PLGRKT: variants seen among roughly 807,000 people sequenced by gnomAD.
PLGRKT encodes plasminogen receptor with a C-terminal lysine, also known as plasminogen receptor (KT).
In PLGRKT, 22 loss-of-function variants were observed where a neutral mutation model predicts 18.5. That is an observed-to-expected ratio of 1.19 (90% CI 0.85 to 1.70). The LOEUF is 1.70. PLGRKT is among the 40% of genes most tolerant of loss of function. The pLI is 0.00. For missense variants in PLGRKT, 235 were observed against 174.4 expected (o/e 1.35, Z -1.96); for synonymous variants, 72 against 52.8 (o/e 1.36, Z -1.58).
intron 3 of PLGRKT, among the ~76,000 whole-genome samples, chr9:5,419,436 G>C (rs1053185768): frequency 2.0e-5 from 3 of 152,180 alleles, no homozygotes; most frequent in African/African-American, 7.2e-5. Context: ...TCAGGTGCTG[G>C]CTACAGAGGC....
intron 3 of PLGRKT, among the ~76,000 whole-genome samples, chr9:5,378,736 A>G (rs1464707531): frequency 6.6e-6 from 1 of 152,206 alleles, no homozygotes; most frequent in Admixed American, 6.5e-5. Flanking sequence ...GACATGAAGC[A>G]AAACTGTTGG....
At chr9:5,382,023 A>T (rs1021287924) in intron 3 of PLGRKT, 3 of 985,226 alleles carry the variant, frequency 3.0e-6, no homozygotes, top group Non-Finnish European at 3.6e-6. Context: ...GCAGTTGAAA[A>T]TGTGCACCCT....
chr9:5,403,329 T>C (rs1332942387), intron 3 of PLGRKT, among the ~76,000 whole-genome samples: 4 of 151,468 alleles, frequency 2.6e-5, no homozygotes, highest in African/African-American at 9.8e-5. Flanking sequence ...GTTCAAGTGA[T>C]TCTCCTACCT....
At chr9:5,364,834 T>G (rs1477527669) in intron 3 of PLGRKT, among the ~76,000 whole-genome samples, 1 of 152,056 alleles carries the variant, frequency 6.6e-6, no homozygotes, top group Non-Finnish European at 1.5e-5. Context: ...ACAGGGAGAT[T>G]ACAAACAAGC....
At chr9:5,369,223 T>C (rs948271594) in intron 3 of PLGRKT, among the ~76,000 whole-genome samples, 1 of 152,162 alleles carries the variant, frequency 6.6e-6, no homozygotes, top group Admixed American at 6.5e-5. Context: ...CGAAGGCTAA[T>C]ATCCAGAATT....
intron 3 of PLGRKT, among the ~76,000 whole-genome samples, chr9:5,386,935 C>A (rs536762886): frequency 6.6e-6 from 1 of 151,882 alleles, no homozygotes; most frequent in Admixed American, 6.6e-5. Context: ...TAAGAAACAG[C>A]AAAGTGACCC....
At chr9:5,417,834 G>C (rs993089027) in intron 3 of PLGRKT, among the ~76,000 whole-genome samples, 1 of 151,950 alleles carries the variant, frequency 6.6e-6, no homozygotes, top group African/African-American at 2.4e-5. Context: ...ATTTTGACTT[G>C]TTTTGCTGCC....
chr9:5,400,400 G>C (rs1396118740), intron 3 of PLGRKT, among the ~76,000 whole-genome samples: 1 of 151,844 alleles, frequency 6.6e-6, no homozygotes, highest in Non-Finnish European at 1.5e-5. Flanking sequence ...ATCAGACCAA[G>C]TGTAAAATAA....
chr9:5,385,355 C>T (rs192192507), intron 3 of PLGRKT, among the ~76,000 whole-genome samples: 3 of 151,766 alleles, frequency 2.0e-5, no homozygotes, highest in African/African-American at 4.8e-5. Flanking sequence ...ATCCACCACA[C>T]CTGGCTAATT....
chr9:5,401,134 G>T (rs1215525484), intron 3 of PLGRKT, among the ~76,000 whole-genome samples: 1 of 151,740 alleles, frequency 6.6e-6, no homozygotes, highest in South Asian at 2.1e-4. Flanking sequence ...GCCAATAGGG[G>T]AATTTAAGTC....
At chr9:5,390,215 G>A (rs1465684136) in intron 3 of PLGRKT, among the ~76,000 whole-genome samples, 4 of 136,028 alleles carry the variant, frequency 2.9e-5, no homozygotes, top group African/African-American at 1.0e-4. Flanking sequence ...ATATGTGTGT[G>A]CGTGTGTGTG....
rs577528431 is a variant in PLGRKT, at chr9:5,382,266, A to G, written c.82-20378T>C. On this transcript the variant is annotated intron_variant, in intron 3 of 5. Transcript: ENST00000223864. Reference sequence around the variant, plus strand: ...CAGAGGCAGAGAAGTATTAAAGAAGAAATTTCAATGTTGGTCATCACAGTT... The same window carrying G: ...CAGAGGCAGAGAAGTATTAAAGAAGGAATTTCAATGTTGGTCATCACAGTT... Among the ~76,000 whole-genome samples, 12 of 152,346 alleles carry G rather than the reference A, an allele frequency of 7.9e-5. No individual in the cohort carries two copies. The South Asian group carries it at 2.1e-3, about 26-fold the overall frequency.
intron 3 of PLGRKT, among the ~76,000 whole-genome samples, chr9:5,409,710 T>C (rs1395640842): frequency 6.6e-6 from 1 of 152,214 alleles, no homozygotes; most frequent in Non-Finnish European, 1.5e-5. Context: ...CAGTGTGCGC[T>C]GGATGTGGGA....
intron 1 of PLGRKT, among the ~76,000 whole-genome samples, chr9:5,437,174 A>T (rs1818976361): frequency 6.6e-6 from 1 of 152,072 alleles, no homozygotes; most frequent in Non-Finnish European, 1.5e-5. Context: ...TCTGGGGAGG[A>T]GAAGTGGTGC....
At chr9:5,367,372 G>C (rs868586857) in intron 3 of PLGRKT, among the ~76,000 whole-genome samples, 13 of 152,112 alleles carry the variant, frequency 8.5e-5, no homozygotes, top group Middle Eastern at 3.4e-3. Flanking sequence ...AAACAGCATG[G>C]TACTAGTACA....
intron 3 of PLGRKT, among the ~76,000 whole-genome samples, chr9:5,383,720 C>A (rs1319131044): frequency 2.6e-5 from 4 of 152,158 alleles, no homozygotes; most frequent in African/African-American, 9.7e-5. Flanking sequence ...AGGGTTCACA[C>A]TCCTATGAGA....
chr9:5,437,798 C>G lies in PLGRKT; in HGVS notation c.-142G>C, dbSNP rs368793344. ...GCCGGTGTTCACTCACTGGGCGGCGCTGGTGCCGGGACCAGGCGACCGGTA... is the reference window on the plus strand; with the variant it reads ...GCCGGTGTTCACTCACTGGGCGGCGGTGGTGCCGGGACCAGGCGACCGGTA... On this transcript the variant is annotated 5_prime_UTR_variant, in exon 1 of 6. Coordinates refer to ENST00000223864, the MANE Select transcript of PLGRKT (RefSeq NM_018465.4). 3 of 152,310 alleles carry G rather than the reference C, an allele frequency of 2.0e-5. No homozygotes were observed. Among genetic ancestry groups the G allele is most frequent in the East Asian group, 1.9e-4 (1 of 5,204 alleles). The allele number at this position is 152,310 out of a possible 1,614,324, so 9.4% of individuals were successfully genotyped here.
chr9:5,358,706 G>T (rs1817193767), intron 5 of PLGRKT, among the ~76,000 whole-genome samples: 1 of 152,118 alleles, frequency 6.6e-6, no homozygotes. Context: ...CTTTCCCATT[G>T]TCCTTTAATA....
chr9:5,434,344 A>G (rs1818912291), intron 2 of PLGRKT, among the ~76,000 whole-genome samples: 2 of 125,724 alleles, frequency 1.6e-5, no homozygotes, highest in Non-Finnish European at 3.2e-5. Context: ...CCCGTCTGGG[A>G]GGTGAGGAGC....
Sources: allele counts gnomAD v4.1 joint callset (sites outside exome capture counted in the v4.1 genomes callset), GRCh38; gene constraint gnomAD v4.1.1; transcripts MANE v1.5; gene names NCBI Gene and HGNC (gene_info 2026-07-23, HGNC 2026-07-21).